DNAAF9: variants seen among roughly 807,000 people sequenced by gnomAD.
DNAAF9 encodes the protein shulin.
In DNAAF9, 90 loss-of-function variants were observed where a neutral mutation model predicts 167.0. The observed-to-expected ratio is 0.54, with a 90% CI of 0.45 to 0.64. The LOEUF (loss-of-function observed/expected upper bound fraction) is 0.64. Ranked by LOEUF, DNAAF9 falls within the 30% of genes least tolerant of loss-of-function variation. DNAAF9 has a pLI of 0.00. For synonymous variants in DNAAF9, 491 were observed against 508.8 expected (o/e 0.96, Z 0.47); for missense variants, 1,315 against 1,442.2 (o/e 0.91, Z 1.43).
chr20:3,319,723 G>A (rs930639667), intron 16 of DNAAF9, among the ~76,000 whole-genome samples: 2 of 152,124 alleles, frequency 1.3e-5, no homozygotes, highest in Non-Finnish European at 2.9e-5. Context: ...ACTTAAAGAG[G>A]CCACAAGGTT....
At chr20:3,339,307 C>T (rs1820502260) in intron 10 of DNAAF9, among the ~76,000 whole-genome samples, 1 of 152,150 alleles carries the variant, frequency 6.6e-6, no homozygotes. Context: ...CGCACTGTCT[C>T]TTCAAATAGT....
chr20:3,306,979 A>G, intron 20 of DNAAF9: 1 of 985,296 alleles, frequency 1.0e-6, no homozygotes, highest in Non-Finnish European at 1.2e-6. Flanking sequence ...TGTCCTGGGT[A>G]TCCCTCTACA....
At chr20:3,280,527 T>TG (rs1249251480) in intron 28 of DNAAF9, among the ~76,000 whole-genome samples, 1 of 150,572 alleles carries the variant, frequency 6.6e-6, no homozygotes, top group African/African-American at 2.4e-5. Flanking sequence ...ATCATGCCAC[T>TG]GCACTCCAAC....
intron 9 of DNAAF9, 178 bp from the exon 10 acceptor site, chr20:3,340,817 C>T: frequency 1.7e-6 from 1 of 602,394 alleles, no homozygotes; most frequent in Non-Finnish European, 3.0e-6. Context: ...CAGCTGTCTC[C>T]CTACTGACCC....
intron 27 of DNAAF9, among the ~76,000 whole-genome samples, chr20:3,283,105 A>AG (rs757593396): frequency 3.3e-5 from 5 of 152,224 alleles, no homozygotes; most frequent in Non-Finnish European, 7.3e-5. Context: ...CCACTTCAAG[A>AG]GGGGACCTAG....
Position 3,316,716 on chromosome 20 carries a change from C to T in DNAAF9, c.1539+7G>A. 6.2e-7 allele frequency: 1 copy of T among 1,609,202 alleles called. No homozygotes were observed. The highest frequency in any genetic ancestry group is 8.5e-7 in the Non-Finnish European group (1 of 1,175,708). On this transcript the variant is annotated splice_region_variant and intron_variant, in intron 18 of 36. Transcript: ENST00000252032. ...AGGTCCACTTCCACCTGATGAATGACACTAACCAGCCAGGAGCAGAATCTG... is the reference window on the plus strand; with the variant it reads ...AGGTCCACTTCCACCTGATGAATGATACTAACCAGCCAGGAGCAGAATCTG...
chr20:3,295,566 G>A, intron 23 of DNAAF9: 1 of 359,824 alleles, frequency 2.8e-6, no homozygotes, highest in Non-Finnish European at 5.5e-6. Context: ...TCACGAAGAT[G>A]GTCTTCTTCA....
intron 31 of DNAAF9, among the ~76,000 whole-genome samples, chr20:3,262,005 C>T (rs1600663094): frequency 6.6e-6 from 1 of 152,126 alleles, no homozygotes; most frequent in African/African-American, 2.4e-5. Flanking sequence ...GTGTGCACAG[C>T]ACAGAGCGGA....
Position 3,324,958 on chromosome 20 carries a change from A to AC in DNAAF9, c.1198dup (p.Val400GlyfsTer14). ...CCCAGATCCCAGAGTTTGCTCTGCT[A>AC]CCTCCTTGGCCTGTAAAATAATAAG... On this transcript the variant is annotated frameshift_variant, in exon 14 of 37. Transcript: ENST00000252032. LOFTEE classifies it high-confidence loss of function. The AC allele has an allele frequency of 6.3e-7, 1 of 1,590,440 alleles. No individual in the cohort carries two copies. The highest frequency in any genetic ancestry group is 8.6e-7 in the Non-Finnish European group (1 of 1,158,452).
intron 20 of DNAAF9, among the ~76,000 whole-genome samples, chr20:3,313,777 TACAA>T (rs1314708009): frequency 1.3e-5 from 2 of 152,210 alleles, no homozygotes; most frequent in Admixed American, 6.5e-5. Context: ...ACTGCTCAGC[TACAA>T]ACAAAGTACT....
At chr20:3,364,860 C>T (rs996169510) in intron 6 of DNAAF9, among the ~76,000 whole-genome samples, 4 of 151,844 alleles carry the variant, frequency 2.6e-5, no homozygotes, top group African/African-American at 7.3e-5. Context: ...TAAGAGGCTG[C>T]GGCAATCCCT....
intron 32 of DNAAF9, 60 bp from the exon 33 acceptor site, chr20:3,259,614 A>G: frequency 8.3e-7 from 1 of 1,204,556 alleles, no homozygotes; most frequent in South Asian, 1.2e-5. Flanking sequence ...AATTCAGGAC[A>G]GCACAGCTGG....
chr20:3,321,337 G>A (rs2069612431), intron 16 of DNAAF9, among the ~76,000 whole-genome samples: 1 of 152,178 alleles, frequency 6.6e-6, no homozygotes, highest in Non-Finnish European at 1.5e-5. Context: ...AGCTGGTATA[G>A]TCTATTGCTC....
chr20:3,265,852 A>AT (rs2068482056), intron 30 of DNAAF9, among the ~76,000 whole-genome samples: 1 of 151,150 alleles, frequency 6.6e-6, no homozygotes, highest in Non-Finnish European at 1.5e-5. Flanking sequence ...TAATTTTTGT[A>AT]TTTTTTAAAT....
intron 10 of DNAAF9, among the ~76,000 whole-genome samples, chr20:3,332,904 T>TG (rs1327763208): frequency 8.0e-6 from 1 of 125,522 alleles, no homozygotes; most frequent in East Asian, 2.8e-4. Flanking sequence ...GCGTGTGGTG[T>TG]GTGTGTGTGT....
At chr20:3,317,113 T>C (rs1368958752) in intron 17 of DNAAF9, among the ~76,000 whole-genome samples, 1 of 151,878 alleles carries the variant, frequency 6.6e-6, no homozygotes, top group East Asian at 1.9e-4. Context: ...TAGGCTGGTC[T>C]CAAATTCCTG....
intron 1 of DNAAF9, among the ~76,000 whole-genome samples, chr20:3,392,587 T>C (rs1292640990): frequency 6.6e-6 from 1 of 152,234 alleles, no homozygotes; most frequent in East Asian, 1.9e-4. Context: ...GTGGGTACAA[T>C]ATATGTGAAT....
intron 30 of DNAAF9, among the ~76,000 whole-genome samples, chr20:3,269,863 C>A (rs1165938513): frequency 6.6e-6 from 1 of 151,122 alleles, no homozygotes; most frequent in Non-Finnish European, 1.5e-5. Context: ...GAGGCTGAGG[C>A]AGGAGAATGG....
intron 31 of DNAAF9, among the ~76,000 whole-genome samples, chr20:3,262,703 C>T (rs766498777): frequency 2.3e-4 from 35 of 152,150 alleles, no homozygotes; most frequent in Non-Finnish European, 4.3e-4. Context: ...TTACAGGAGC[C>T]TCATGACCCA....
Sources: gnomAD v4.1 joint callset for allele counts (sites outside exome capture counted in the v4.1 genomes callset) on GRCh38, gnomAD v4.1.1 for gene constraint, MANE v1.5 for transcripts, NCBI Gene and HGNC (gene_info 2026-07-23, HGNC 2026-07-21) for gene names.